The following TMEM178B variants were observed in gnomAD, a reference collection of about 807,000 sequenced individuals.
TMEM178B encodes the protein transmembrane protein 178B.
A neutral mutation model predicts 31.0 loss-of-function variants in TMEM178B; 5 were observed. The observed-to-expected ratio is 0.16, with a 90% CI of 0.08 to 0.34. The LOEUF (loss-of-function observed/expected upper bound fraction) is 0.34, where lower values mean the gene tolerates loss of function less well. TMEM178B is among the 10% of genes least tolerant of loss of function. TMEM178B has a pLI of 1.00. For missense variants in TMEM178B, 275 were observed against 400.3 expected (o/e 0.69, Z 2.67); for synonymous variants, 164 against 164.0 (o/e 1.00, Z 0.00).
At chr7:141,249,114 C>T (rs189003918) in intron 2 of TMEM178B, among the ~76,000 whole-genome samples, 90 of 152,258 alleles carry the variant, frequency 5.9e-4, no homozygotes, top group African/African-American at 2.1e-3. Context: ...TTGACTGTGT[C>T]CCCACCCAAA....
chr7:141,488,824 GA>G, the TMEM178B span, among the ~76,000 whole-genome samples: 1,235 of 137,682 alleles, frequency 9.0e-3, 29 homozygotes, highest in African/African-American at 0.029. Flanking sequence ...AGTCATTTTA[GA>G]AAAAAAAAAA....
At chr7:141,465,972 A>G (rs1036491891) in intron 3 of TMEM178B, among the ~76,000 whole-genome samples, 10 of 152,200 alleles carry the variant, frequency 6.6e-5, no homozygotes, top group African/African-American at 1.4e-4. Context: ...GCAGTGAGCT[A>G]TGATTGTACC....
chr7:141,376,582 A>C (rs1339459328), intron 2 of TMEM178B, among the ~76,000 whole-genome samples: 1 of 152,214 alleles, frequency 6.6e-6, no homozygotes, highest in African/African-American at 2.4e-5. Flanking sequence ...TTTTAGATAG[A>C]TATTTCAGTG....
intron 2 of TMEM178B, among the ~76,000 whole-genome samples, chr7:141,426,258 T>C (rs1229241692): frequency 6.6e-6 from 1 of 152,078 alleles, no homozygotes; most frequent in African/African-American, 2.4e-5. Flanking sequence ...ACTTAGCAAA[T>C]AAATATTTAG....
rs546816343 is a variant in TMEM178B, at chr7:141,229,102, T to G, written c.496+16398T>G. Among the ~76,000 whole-genome samples, 3 of 123,994 alleles carry G rather than the reference T, an allele frequency of 2.4e-5. No homozygotes were observed. The South Asian group carries it at 8.6e-4, about 35-fold the overall frequency. The allele number at this position is 123,994 out of a possible 152,430, so 81.3% of individuals were successfully genotyped here. On this transcript the variant is annotated intron_variant, in intron 2 of 3. Coordinates refer to ENST00000565468, the MANE Select transcript of TMEM178B (RefSeq NM_001195278.2). ...TTTGCAAAATGATGTGTGTGTGTGG[T>G]GTGTGTGTGTGTGTGTGTGTGTGTG...
At chr7:141,374,931 C>T (rs367901212) in intron 2 of TMEM178B, among the ~76,000 whole-genome samples, 2 of 152,250 alleles carry the variant, frequency 1.3e-5, no homozygotes, top group South Asian at 4.1e-4. Flanking sequence ...CCTTCTGCAT[C>T]CTCTTCAGTA....
At chr7:141,261,874 T>G (rs1205526310) in intron 2 of TMEM178B, among the ~76,000 whole-genome samples, 1 of 152,172 alleles carries the variant, frequency 6.6e-6, no homozygotes, top group Admixed American at 6.5e-5. Context: ...TTGAGCTTCA[T>G]AGAATCCTGG....
chr7:141,289,631 C>T (rs1036601766), intron 2 of TMEM178B, among the ~76,000 whole-genome samples: 1 of 148,410 alleles, frequency 6.7e-6, no homozygotes, highest in African/African-American at 2.5e-5. Context: ...AGGAGAATCA[C>T]TTGAACCCAG....
chr7:141,329,078 A>G (rs17133530), intron 2 of TMEM178B, among the ~76,000 whole-genome samples: 14,295 of 152,112 alleles, frequency 0.094, 1,446 homozygotes, highest in African/African-American at 0.26. Flanking sequence ...CAACCCTGAA[A>G]CCTTGGAATG....
At chr7:141,243,593 AGGTCACTCTCCTCGCTGGGCCTC>A (rs1296096673) in intron 2 of TMEM178B, among the ~76,000 whole-genome samples, 3 of 152,056 alleles carry the variant, frequency 2.0e-5, no homozygotes, top group African/African-American at 7.2e-5. Flanking sequence ...GACCGTTACC[AGGTCACTCTCCTCGCTGGGCCTC>A]GGCTTCCTTC....
At chr7:141,123,651 T>C (rs1234547052) in intron 1 of TMEM178B, among the ~76,000 whole-genome samples, 1 of 152,214 alleles carries the variant, frequency 6.6e-6, no homozygotes, top group Non-Finnish European at 1.5e-5. Flanking sequence ...TAGAGATTGC[T>C]GCAGCCCTTT....
intron 2 of TMEM178B, among the ~76,000 whole-genome samples, chr7:141,391,309 G>A (rs1800534671): frequency 6.6e-6 from 1 of 152,086 alleles, no homozygotes; most frequent in Non-Finnish European, 1.5e-5. Flanking sequence ...GGGATTACAG[G>A]TAGGCACCAC....
At chr7:141,441,417 A>G (rs1801654763) in intron 3 of TMEM178B, among the ~76,000 whole-genome samples, 1 of 152,190 alleles carries the variant, frequency 6.6e-6, no homozygotes, top group African/African-American at 2.4e-5. Flanking sequence ...CACTCGAACC[A>G]TAGAGAGTTA....
chr7:141,324,423 T>TG (rs1195930476), intron 2 of TMEM178B, among the ~76,000 whole-genome samples: 2 of 48,712 alleles, frequency 4.1e-5, no homozygotes, highest in African/African-American at 8.9e-5. Flanking sequence ...AGGGTTTTTT[T>TG]TTTTTTTTTT....
chr7:141,460,273 A>T (rs774734224), intron 3 of TMEM178B, among the ~76,000 whole-genome samples: 1 of 152,182 alleles, frequency 6.6e-6, no homozygotes, highest in Admixed American at 6.5e-5. Context: ...TGACTTGCAG[A>T]TGGCCTCCCT....
intron 1 of TMEM178B, among the ~76,000 whole-genome samples, chr7:141,117,248 C>A (rs1795333612): frequency 6.6e-6 from 1 of 152,174 alleles, no homozygotes; most frequent in African/African-American, 2.4e-5. Context: ...TTTTGGTTTG[C>A]ATTTCTCTAA....
chr7:141,093,278 G>A (rs778575764), intron 1 of TMEM178B, among the ~76,000 whole-genome samples: 10 of 152,160 alleles, frequency 6.6e-5, no homozygotes, highest in Non-Finnish European at 1.5e-4. Context: ...CAGGATTGGC[G>A]GAGGGATCAG....
chr7:141,294,004 G>A (rs1035081601), intron 2 of TMEM178B, among the ~76,000 whole-genome samples: 3 of 152,164 alleles, frequency 2.0e-5, no homozygotes, highest in Non-Finnish European at 2.9e-5. Context: ...CTGCAATTCT[G>A]TCAGGAGAAA....
the TMEM178B span, among the ~76,000 whole-genome samples, chr7:141,485,721 G>C: frequency 3.1e-3 from 465 of 152,306 alleles, 1 homozygote; most frequent in Non-Finnish European, 5.4e-3. Context: ...TCTGGAGTTA[G>C]TGGGGAAGGC....
Sources: gnomAD v4.1 joint callset for allele counts (sites outside exome capture counted in the v4.1 genomes callset) on GRCh38, gnomAD v4.1.1 for gene constraint, MANE v1.5 for transcripts, NCBI Gene and HGNC (gene_info 2026-07-23, HGNC 2026-07-21) for gene names.